ST7: variants seen among roughly 807,000 people sequenced by gnomAD.
The protein encoded by ST7 is suppression of tumorigenicity 7, also known as suppressor of tumorigenicity 7 protein.
A neutral mutation model predicts 78.7 loss-of-function variants in ST7; 28 were observed. That is an observed-to-expected ratio of 0.36 (90% CI 0.26 to 0.49). The LOEUF is 0.49. ST7 is among the 20% of genes least tolerant of loss of function. ST7 has a pLI of 0.99. For synonymous variants in ST7, 247 were observed against 249.6 expected, an observed-to-expected ratio of 0.99 and a Z score of 0.10; for missense variants, 418 against 696.0, an observed-to-expected ratio of 0.60 and a Z score of 4.49.
intron 5 of ST7, 30 bp from the exon 6 acceptor site, chr7:117,131,855 G>A (rs750005594): frequency 7.1e-5 from 112 of 1,584,372 alleles, no homozygotes; most frequent in Non-Finnish European, 9.4e-5. Flanking sequence ...TGTATGGATT[G>A]ACTTGGTGTT....
intron 1 of ST7, among the ~76,000 whole-genome samples, chr7:116,967,826 G>A (rs922675073): frequency 6.6e-6 from 1 of 152,150 alleles, no homozygotes; most frequent in Non-Finnish European, 1.5e-5. Flanking sequence ...GTACTTCTTG[G>A]TGTCTAACTC....
chr7:117,131,779 G>A (rs1804378876), intron 5 of ST7, 106 bp from the exon 6 acceptor site: 2 of 1,000,854 alleles, frequency 2.0e-6, no homozygotes, highest in Non-Finnish European at 3.0e-6. Flanking sequence ...AATGAAATAT[G>A]TTCTTGTAAT....
chr7:116,955,343 A>G, intron 1 of ST7, among the ~76,000 whole-genome samples: 1 of 152,152 alleles, frequency 6.6e-6, no homozygotes. Context: ...GGAGTCAGGG[A>G]AGTCTTGAGA....
At chr7:117,067,250 G>A (rs753426996) in intron 1 of ST7, among the ~76,000 whole-genome samples, 5 of 151,700 alleles carry the variant, frequency 3.3e-5, no homozygotes, top group Admixed American at 6.6e-5. Flanking sequence ...CCTTGTGAGC[G>A]TATACCTAGT....
intron 13 of ST7, among the ~76,000 whole-genome samples, chr7:117,213,226 G>A (rs143919574): frequency 1.7e-3 from 265 of 152,268 alleles, no homozygotes; most frequent in African/African-American, 6.0e-3. Flanking sequence ...CAGCCTCATA[G>A]TTTAGGTTTT....
At chr7:116,973,319 A>G (rs765639324) in intron 1 of ST7, among the ~76,000 whole-genome samples, 15 of 152,080 alleles carry the variant, frequency 9.9e-5, no homozygotes, top group Non-Finnish European at 1.5e-5. Context: ...GTGCAGTGGC[A>G]CAATCATGGC....
chr7:117,084,737 C>A (rs1023204323), intron 1 of ST7, among the ~76,000 whole-genome samples: 9 of 152,022 alleles, frequency 5.9e-5, no homozygotes, highest in Non-Finnish European at 1.2e-4. Flanking sequence ...TATTATTATT[C>A]ATTATTATTA....
At chr7:117,057,179 A>C (rs1489777556) in intron 1 of ST7, among the ~76,000 whole-genome samples, 1 of 152,178 alleles carries the variant, frequency 6.6e-6, no homozygotes, top group African/African-American at 2.4e-5. Flanking sequence ...TTTCATATAC[A>C]TACTTAGAGC....
At chr7:117,130,871 T>C (rs1475773891) in intron 5 of ST7, among the ~76,000 whole-genome samples, 1 of 151,894 alleles carries the variant, frequency 6.6e-6, no homozygotes, top group Non-Finnish European at 1.5e-5. Context: ...TAAAGAAATA[T>C]GAATCTTATA....
chr7:117,114,229 T>TAA (rs908848744), intron 2 of ST7, among the ~76,000 whole-genome samples: 2 of 139,614 alleles, frequency 1.4e-5, no homozygotes, highest in African/African-American at 2.6e-5. Flanking sequence ...ACCAAGAATG[T>TAA]AAAAAAAAAA....
intron 12 of ST7, among the ~76,000 whole-genome samples, chr7:117,194,039 G>A (rs1790457128): frequency 6.6e-6 from 1 of 152,138 alleles, no homozygotes; most frequent in South Asian, 2.1e-4. Flanking sequence ...CTACATCACA[G>A]GACTGGGAAA....
chr7:117,096,117 T>C (rs2116746911), intron 1 of ST7, among the ~76,000 whole-genome samples: 1 of 148,502 alleles, frequency 6.7e-6, no homozygotes, highest in East Asian at 2.0e-4. Flanking sequence ...GGAATATCCA[T>C]TTTATGTCTC....
At chr7:117,002,639 C>CTGTG (rs140099821) in intron 1 of ST7, among the ~76,000 whole-genome samples, 52,212 of 145,392 alleles carry the variant, frequency 0.36, 9,107 homozygotes, top group African/African-American at 0.38. Context: ...GTAGTTGAGG[C>CTGTG]TGTGTGTGTG....
chr7:117,089,580 T>TG (rs1211777295), intron 1 of ST7, among the ~76,000 whole-genome samples: 2 of 151,274 alleles, frequency 1.3e-5, no homozygotes, highest in Non-Finnish European at 3.0e-5. Flanking sequence ...TTTTGTTTTT[T>TG]TTTTTTTTTG....
chr7:117,049,510 T>C (rs1797658336), intron 1 of ST7, among the ~76,000 whole-genome samples: 1 of 152,234 alleles, frequency 6.6e-6, no homozygotes, highest in South Asian at 2.1e-4. Context: ...TAAGTTGTCG[T>C]GTAATGACAT....
At chr7:116,997,969 G>C (rs879651706) in intron 1 of ST7, among the ~76,000 whole-genome samples, 6 of 152,276 alleles carry the variant, frequency 3.9e-5, no homozygotes, top group African/African-American at 7.2e-5. Flanking sequence ...AGGTGGAGCT[G>C]CCTGCTAGTC....
intron 1 of ST7, chr7:116,968,550 A>G (rs1305279528): frequency 8.6e-6 from 3 of 349,244 alleles, no homozygotes; most frequent in Middle Eastern, 3.8e-4. Context: ...TTACAATCAA[A>G]TAATAAATTC....
chr7:117,031,895 T>TGGCAATGGAGTCTTGC (rs1796615976), intron 1 of ST7, among the ~76,000 whole-genome samples: 1 of 134,368 alleles, frequency 7.4e-6, no homozygotes, highest in Non-Finnish European at 1.7e-5. Flanking sequence ...TTTTTTTTTT[T>TGGCAATGGAGTCTTGC]TTTGGCAATG....
chr7:116,960,423 T>C (rs1792766206), intron 1 of ST7, among the ~76,000 whole-genome samples: 1 of 152,172 alleles, frequency 6.6e-6, no homozygotes, highest in South Asian at 2.1e-4. Flanking sequence ...TTCAGGCCTC[T>C]AGTGATCTGT....
Sources: allele counts gnomAD v4.1 joint callset (sites outside exome capture counted in the v4.1 genomes callset), GRCh38; gene constraint gnomAD v4.1.1; transcripts MANE v1.5; gene names NCBI Gene and HGNC (gene_info 2026-07-23, HGNC 2026-07-21).